RIMBP2: variants seen among roughly 807,000 people sequenced by gnomAD.
The protein encoded by RIMBP2 is RIMS-binding protein 2.
RIMBP2 carries 48 observed loss-of-function variants against 118.6 expected under a neutral mutation model. The observed-to-expected ratio is 0.40, with a 90% confidence interval of 0.32 to 0.51. RIMBP2 has a LOEUF of 0.51. RIMBP2 is among the 20% of genes least tolerant of loss of function. The pLI is 0.41. For synonymous variants in RIMBP2, 762 were observed against 742.9 expected (o/e 1.03, Z -0.42); for missense variants, 1,551 against 1,768.3 (o/e 0.88, Z 2.20).
rs563459240 is a variant in RIMBP2, at chr12:130,447,864, G to C, written c.581+2336C>G. Reference sequence around the variant, plus strand: ...CATGGAGGGCGGGGAGAGGCCGCTCGGCACCCAGAGTGAGCGCCCAGGTGA... The same window carrying C: ...CATGGAGGGCGGGGAGAGGCCGCTCCGCACCCAGAGTGAGCGCCCAGGTGA... On this transcript the variant is annotated intron_variant, in intron 9 of 22. Coordinates refer to ENST00000690449, the MANE Select transcript of RIMBP2 (RefSeq NM_001393629.1). The surrounding 1 kb of genome is among the most constrained non-coding windows in gnomAD (Gnocchi z 4.4). Among the ~76,000 whole-genome samples the C allele has an allele frequency of 6.6e-6, 1 of 152,266 alleles. No homozygotes were observed. The highest frequency in any genetic ancestry group is 6.5e-5 in the Admixed American group (1 of 15,294).
In RIMBP2 at chr12:130,469,951, A is replaced by G. The variant is rs1156966831; in HGVS notation, c.153+742T>C. Among the ~76,000 whole-genome samples, 5 of 152,224 alleles carry G rather than the reference A, an allele frequency of 3.3e-5. No homozygotes were observed. The highest frequency in any genetic ancestry group is 1.2e-4 in the African/African-American group (5 of 41,458). On this transcript the variant is annotated intron_variant, in intron 6 of 22. Coordinates refer to ENST00000690449, the MANE Select transcript of RIMBP2 (RefSeq NM_001393629.1). The surrounding 1 kb of genome is among the most constrained non-coding windows in gnomAD (Gnocchi z 4.8). ...ACTGTGCATGATGGATGCAGACAGC[A>G]GAGGCCTGAGGGGGACCCCATAGCC...
Position 130,671,535 on chromosome 12 carries a change from G to A in RIMBP2, c.-351-43079C>T, listed in dbSNP as rs567629494. Among the ~76,000 whole-genome samples, 7 of 152,298 alleles carry A rather than the reference G, an allele frequency of 4.6e-5. No homozygotes were observed. The South Asian group carries it at 1.2e-3, about 27-fold the overall frequency. On this transcript the variant is annotated intron_variant, in intron 1 of 22. Coordinates refer to ENST00000690449, the MANE Select transcript of RIMBP2 (RefSeq NM_001393629.1). ...CAGCCTATCCCCAGTGCCTAGATGG[G>A]TACCTATGAACACGAACCTCCCCAC...
chr12:130,668,788 G>A (rs1161598975), intron 1 of RIMBP2, among the ~76,000 whole-genome samples: 1 of 152,176 alleles, frequency 6.6e-6, no homozygotes, highest in Admixed American at 6.5e-5. Flanking sequence ...GCTGTGCCAT[G>A]CCATGCCGTG....
chr12:130,498,122 T>C, intron 4 of RIMBP2, among the ~76,000 whole-genome samples: 1 of 151,850 alleles, frequency 6.6e-6, no homozygotes, highest in African/African-American at 2.4e-5. Context: ...AAGGCAGCAC[T>C]GACTCCAGGC....
At chr12:130,645,463 G>C (rs990893683) in intron 1 of RIMBP2, among the ~76,000 whole-genome samples, 2 of 152,176 alleles carry the variant, frequency 1.3e-5, no homozygotes, top group Non-Finnish European at 2.9e-5. Flanking sequence ...CCCAGCACTG[G>C]CTGGATGTGA....
At chr12:130,504,617 G>A (rs1312423951) in intron 4 of RIMBP2, among the ~76,000 whole-genome samples, 4 of 152,086 alleles carry the variant, frequency 2.6e-5, no homozygotes, top group Admixed American at 2.0e-4. Context: ...ACACCAGATC[G>A]TAGCCCTGTG....
intron 2 of RIMBP2, among the ~76,000 whole-genome samples, chr12:130,543,340 T>C (rs1022181997): frequency 4.1e-4 from 62 of 152,238 alleles, no homozygotes; most frequent in African/African-American, 1.3e-3. Context: ...TGGCCACTTC[T>C]TTGGTAATCA....
chr12:130,636,333 CT>C (rs2062346955), intron 1 of RIMBP2, among the ~76,000 whole-genome samples: 1 of 152,198 alleles, frequency 6.6e-6, no homozygotes, highest in Admixed American at 6.5e-5. Flanking sequence ...TCCTAACTAC[CT>C]ATTGGTGGTC....
Position 130,646,394 on chromosome 12 carries a change from ACCACC to A in RIMBP2, c.-351-17943_-351-17939del, listed in dbSNP as rs1566423373. Among the ~76,000 whole-genome samples the A allele has an allele frequency of 2.5e-3, 108 of 43,658 alleles. 32 individuals carry two copies. Among genetic ancestry groups the A allele is most frequent in the African/African-American group, 3.9e-3 (24 of 6,100 alleles). 28.6% of individuals were successfully genotyped at this position (43,658 alleles called of 152,430 possible). On this transcript the variant is annotated intron_variant, in intron 1 of 22. Coordinates refer to ENST00000690449, the MANE Select transcript of RIMBP2 (RefSeq NM_001393629.1). ...CACCACCTCCCTCACCACCTCCCTC[ACCACC>A]TGCCTCTCCACCTCCCTCACCACTT...
At position 130,517,899 on chromosome 12, in the gene RIMBP2, C is replaced by G; in HGVS notation, c.-198G>C. ...CTCAGGAGATACTCTCCCTGGGTGG[C>G]ATCCTTCAGTTCATTTTCCTAGGAC... On this transcript the variant is annotated 5_prime_UTR_variant, in exon 3 of 23. An upstream start codon of the reference 5' UTR is lost. Transcript: ENST00000690449. The G allele has an allele frequency of 1.0e-6, 1 of 985,548 alleles. No homozygotes were observed. The highest frequency in any genetic ancestry group is 1.2e-6 in the Non-Finnish European group (1 of 829,680). 61.1% of individuals were successfully genotyped at this position (985,548 alleles called of 1,614,324 possible).
At chr12:130,478,890 C>T (rs780671432) in intron 5 of RIMBP2, 22 bp downstream of exon 5, 20 of 1,587,384 alleles carry the variant, frequency 1.3e-5, no homozygotes, top group East Asian at 4.5e-5. Context: ...TCGCACGCCG[C>T]GCCCGGCTGC....
chr12:130,606,491 C>T lies in RIMBP2; in HGVS notation c.-217+21831G>A, dbSNP rs139384834. 3.6e-3 allele frequency among the ~76,000 whole-genome samples: 547 copies of T among 152,330 alleles called. 2 individuals carry two copies. Among genetic ancestry groups the T allele is most frequent in the African/African-American group, 0.012 (516 of 41,584 alleles). ...CTTTAGGTGGCTGTCACCGCATCAGCGCTGTGGAGGCGGGGAGGAGTGCAG... is the reference window on the plus strand; with the variant it reads ...CTTTAGGTGGCTGTCACCGCATCAGTGCTGTGGAGGCGGGGAGGAGTGCAG... On this transcript the variant is annotated intron_variant, in intron 2 of 22. Coordinates refer to ENST00000690449, the MANE Select transcript of RIMBP2 (RefSeq NM_001393629.1).
chr12:130,606,199 CCCTG>C (rs778304999), intron 2 of RIMBP2, among the ~76,000 whole-genome samples: 11 of 152,192 alleles, frequency 7.2e-5, no homozygotes, highest in Non-Finnish European at 1.3e-4. Context: ...AAAAGATTGG[CCCTG>C]CCTGAGAGTC....
At chr12:130,645,213 G>A (rs2062806002) in intron 1 of RIMBP2, among the ~76,000 whole-genome samples, 1 of 151,872 alleles carries the variant, frequency 6.6e-6, no homozygotes, top group Admixed American at 6.6e-5. Flanking sequence ...CCCGCCTCAG[G>A]TCCCCGAGTA....
chr12:130,657,581 C>A (rs780960856), intron 1 of RIMBP2, among the ~76,000 whole-genome samples: 26 of 152,206 alleles, frequency 1.7e-4, no homozygotes, highest in Non-Finnish European at 3.4e-4. Flanking sequence ...TCCACCGGCA[C>A]CTCCGTCCAG....
Position 130,578,773 on chromosome 12 carries a change from T to A in RIMBP2, c.-217+49549A>T, listed in dbSNP as rs1026866450. ...CCACTGCACGCTCCACTATCTGAAGTCGCAGGTCCTCATCTGGAGCCCTAG... is the reference window on the plus strand; with the variant it reads ...CCACTGCACGCTCCACTATCTGAAGACGCAGGTCCTCATCTGGAGCCCTAG... On this transcript the variant is annotated intron_variant, in intron 2 of 22. Coordinates refer to ENST00000690449, the MANE Select transcript of RIMBP2 (RefSeq NM_001393629.1). The surrounding 1 kb of genome is among the most constrained non-coding windows in gnomAD (Gnocchi z 4.1). Among the ~76,000 whole-genome samples the A allele has an allele frequency of 6.6e-6, 1 of 152,200 alleles. No homozygotes were observed. Among genetic ancestry groups the A allele is most frequent in the Non-Finnish European group, 1.5e-5 (1 of 68,040 alleles).
At chr12:130,685,642 A>T (rs1280620869) in intron 1 of RIMBP2, among the ~76,000 whole-genome samples, 2 of 152,164 alleles carry the variant, frequency 1.3e-5, no homozygotes, top group Admixed American at 1.3e-4. Flanking sequence ...TGCTGGAGTC[A>T]CTGGGCCTCG....
chr12:130,496,318 CAT>C (rs576398485), intron 4 of RIMBP2, among the ~76,000 whole-genome samples: 44 of 152,306 alleles, frequency 2.9e-4, no homozygotes, highest in African/African-American at 9.9e-4. Flanking sequence ...CCACGTGACA[CAT>C]GACTTTCACC....
At chr12:130,556,336 C>T (rs943875710) in intron 2 of RIMBP2, among the ~76,000 whole-genome samples, 7 of 152,174 alleles carry the variant, frequency 4.6e-5, no homozygotes, top group Non-Finnish European at 8.8e-5. Context: ...CTATGAAGCC[C>T]TAGAGACCGA....
Sources: gnomAD v4.1 joint callset for allele counts (sites outside exome capture counted in the v4.1 genomes callset) on GRCh38, gnomAD v4.1.1 for gene constraint, Gnocchi (gnomAD v3.1) non-coding constraint, MANE v1.5 for transcripts, NCBI Gene and HGNC (gene_info 2026-07-23, HGNC 2026-07-21) for gene names.